The following CDKL2 variants were observed in gnomAD, a reference collection of about 807,000 sequenced individuals.
CDKL2 encodes the protein cyclin-dependent kinase-like 2.
In CDKL2, 64 loss-of-function variants were observed where a neutral mutation model predicts 63.9. That is an observed-to-expected ratio of 1.00 (90% confidence interval 0.82 to 1.23). The LOEUF (loss-of-function observed/expected upper bound fraction) is 1.23. Ranked by LOEUF, CDKL2 falls within the 50% of genes most tolerant of loss-of-function variation. The pLI, the probability that CDKL2 is intolerant of heterozygous loss-of-function variation, is 0.00. For missense variants in CDKL2, 656 were observed against 668.0 expected (o/e 0.98, Z 0.20); for synonymous variants, 211 against 229.2 (o/e 0.92, Z 0.72).
chr4:75,590,188 A>G (rs1027853041), intron 12 of CDKL2, among the ~76,000 whole-genome samples: 6 of 152,158 alleles, frequency 3.9e-5, no homozygotes, highest in Non-Finnish European at 8.8e-5. Flanking sequence ...GTAAAGAAGT[A>G]TATAAGAAAT....
chr4:75,590,620 C>A (rs1728677442), intron 12 of CDKL2, among the ~76,000 whole-genome samples: 1 of 152,052 alleles, frequency 6.6e-6, no homozygotes, highest in Non-Finnish European at 1.5e-5. Flanking sequence ...GAGGCTGAGG[C>A]ACAAGAATCA....
chr4:75,609,354 C>T (rs1301250042), intron 3 of CDKL2, among the ~76,000 whole-genome samples: 2 of 151,912 alleles, frequency 1.3e-5, no homozygotes, highest in Non-Finnish European at 2.9e-5. Flanking sequence ...CGCCTGTAAT[C>T]CCAGCACTTT....
At chr4:75,597,832 A>G (rs1243190233) in intron 8 of CDKL2, among the ~76,000 whole-genome samples, 2 of 152,220 alleles carry the variant, frequency 1.3e-5, no homozygotes, top group Non-Finnish European at 2.9e-5. Flanking sequence ...ACACATATCT[A>G]GATGTTCTTG....
intron 3 of CDKL2, among the ~76,000 whole-genome samples, chr4:75,612,335 C>G (rs879898879): frequency 2.0e-5 from 3 of 152,040 alleles, no homozygotes; most frequent in Admixed American, 1.3e-4. Flanking sequence ...TCTAAACTGC[C>G]TGGATGTATC....
intron 12 of CDKL2, among the ~76,000 whole-genome samples, chr4:75,588,214 CAAAA>C (rs35209743): frequency 3.7e-5 from 3 of 80,604 alleles, no homozygotes; most frequent in Non-Finnish European, 2.7e-5. Flanking sequence ...AACTCAGTCT[CAAAA>C]AAAAAAAAAA....
At position 75,597,222 on chromosome 4, in the gene CDKL2, A is replaced by T; in HGVS notation, c.1035T>A (p.Asp345Glu). ...KTLVVQDTNA[D>E]PKIKDYKLFK... is the part of the protein sequence containing the mutation. Reference sequence around the variant, plus strand: ...ATAGTTTATAATCCTTAATTTTGGGATCAGCATTGGTATCCTGATCATTAA... The same window carrying T: ...ATAGTTTATAATCCTTAATTTTGGGTTCAGCATTGGTATCCTGATCATTAA... Residue 345 changes from aspartate (D) to glutamate (E), a missense_variant, in exon 9 of 14, where the codon GAT (aspartate) becomes GAA (glutamate). Coordinates refer to ENST00000307465, the MANE Select transcript of CDKL2 (RefSeq NM_001330724.2). 6.2e-7 allele frequency: 1 copy of T among 1,601,340 alleles called. No homozygotes were observed.
chr4:75,592,091 A>G (rs1026455360), intron 11 of CDKL2, 55 bp downstream of exon 11: 6 of 1,464,608 alleles, frequency 4.1e-6, no homozygotes, highest in Middle Eastern at 1.7e-4. Context: ...TCTGTCTAAC[A>G]TACATTTTAA....
rs147077226 is a variant in CDKL2, at chr4:75,577,387, T to C, written c.*1815A>G. On this transcript the variant is annotated 3_prime_UTR_variant, in exon 14 of 14. Coordinates refer to ENST00000307465, the MANE Select transcript of CDKL2 (RefSeq NM_001330724.2). Reference sequence around the variant, plus strand: ...CTGCCACAGTTCTAATCAGATATGATCCTCAAGTCATAACTTGGACTTATG... The same window carrying C: ...CTGCCACAGTTCTAATCAGATATGACCCTCAAGTCATAACTTGGACTTATG... 1.7e-3 allele frequency among the ~76,000 whole-genome samples: 252 copies of C among 152,308 alleles called. 2 individuals are homozygous for C. Among genetic ancestry groups the C allele is most frequent in the Admixed American group, 0.014 (210 of 15,286 alleles).
At chr4:75,626,755 G>C (rs1730438770) in intron 1 of CDKL2, among the ~76,000 whole-genome samples, 1 of 152,060 alleles carries the variant, frequency 6.6e-6, no homozygotes. Context: ...GCTGGGTGTG[G>C]TGGTGTATGC....
intron 13 of CDKL2, among the ~76,000 whole-genome samples, chr4:75,581,009 T>C (rs999087222): frequency 2.6e-5 from 4 of 152,198 alleles, no homozygotes; most frequent in African/African-American, 9.6e-5. Context: ...CTTGGCTTTT[T>C]TAATACTAAA....
intron 2 of CDKL2, among the ~76,000 whole-genome samples, chr4:75,624,419 G>GCA: frequency 6.6e-6 from 1 of 151,946 alleles, no homozygotes; most frequent in East Asian, 1.9e-4. Flanking sequence ...AGGCATAGCG[G>GCA]CACACACCTG....
At position 75,605,636 on chromosome 4, in the gene CDKL2, T is replaced by G; in HGVS notation, c.543-2A>C. On this transcript the variant is annotated splice_acceptor_variant, in intron 4 of 13. Coordinates refer to ENST00000307465, the MANE Select transcript of CDKL2 (RefSeq NM_001330724.2). LOFTEE classifies it high-confidence loss of function. Reference sequence around the variant, plus strand: ...CCAATGGCCCACACATCAACAGCCCTGAAAGAAAAGCAATGTGGTGTAAAA... The same window carrying G: ...CCAATGGCCCACACATCAACAGCCCGGAAAGAAAAGCAATGTGGTGTAAAA... 6.2e-7 allele frequency: 1 copy of G among 1,603,694 alleles called. No individual in the cohort carries two copies. Among genetic ancestry groups the G allele is most frequent in the Non-Finnish European group, 8.5e-7 (1 of 1,170,816 alleles).
intron 3 of CDKL2, among the ~76,000 whole-genome samples, chr4:75,609,664 A>T (rs901142655): frequency 6.8e-6 from 1 of 147,642 alleles, no homozygotes; most frequent in Non-Finnish European, 1.5e-5. Flanking sequence ...TTATATATAT[A>T]ATATATATAT....
intron 9 of CDKL2, 125 bp from the exon 10 acceptor site, chr4:75,596,465 AT>A: frequency 1.5e-6 from 1 of 649,076 alleles, no homozygotes; most frequent in Non-Finnish European, 2.7e-6. Flanking sequence ...CTATTCTCAA[AT>A]ATACAATGCA....
At chr4:75,600,162 AT>A (rs1208052011) in intron 7 of CDKL2, 118 bp downstream of exon 7, 2 of 635,640 alleles carry the variant, frequency 3.1e-6, no homozygotes, top group Non-Finnish European at 5.6e-6. Context: ...AGAGTGGTAG[AT>A]ATCTGAGATC....
intron 2 of CDKL2, among the ~76,000 whole-genome samples, chr4:75,618,403 C>G (rs905659496): frequency 6.6e-6 from 1 of 151,180 alleles, no homozygotes; most frequent in Non-Finnish European, 1.5e-5. Context: ...TACAGACATG[C>G]GCCACCATGC....
intron 5 of CDKL2, 135 bp from the exon 6 acceptor site, chr4:75,604,091 A>G (rs1385741991): frequency 5.3e-6 from 4 of 758,398 alleles, no homozygotes; most frequent in Admixed American, 2.9e-5. Flanking sequence ...TGCAAAATTG[A>G]CCAAAGACAA....
chr4:75,612,088 A>G (rs1409759993), intron 3 of CDKL2, among the ~76,000 whole-genome samples: 1 of 152,038 alleles, frequency 6.6e-6, no homozygotes, highest in Non-Finnish European at 1.5e-5. Context: ...CTCTTGCCTC[A>G]GCCTCCCAAG....
At chr4:75,622,799 A>G (rs1730221161) in intron 2 of CDKL2, among the ~76,000 whole-genome samples, 1 of 151,588 alleles carries the variant, frequency 6.6e-6, no homozygotes, top group South Asian at 2.1e-4. Flanking sequence ...AACTGGATGC[A>G]ATATTGTAAA....
Sources: allele counts gnomAD v4.1 joint callset (sites outside exome capture counted in the v4.1 genomes callset), GRCh38; gene constraint gnomAD v4.1.1; transcripts MANE v1.5; gene names NCBI Gene and HGNC (gene_info 2026-07-23, HGNC 2026-07-21).